MTMR3: variants seen among roughly 807,000 people sequenced by gnomAD.
MTMR3 encodes myotubularin related protein 3, also known as phosphatidylinositol-3,5-bisphosphate 3-phosphatase MTMR3.
MTMR3 carries 32 observed loss-of-function variants against 132.4 expected under a neutral mutation model. The observed-to-expected ratio is 0.24, with a 90% CI of 0.18 to 0.32. The LOEUF is 0.32. Ranked by LOEUF, MTMR3 falls within the 10% of genes least tolerant of loss-of-function variation. MTMR3 has a pLI of 1.00. For synonymous variants in MTMR3, 556 were observed against 550.3 expected (o/e 1.01, Z -0.14); for missense variants, 1,216 against 1,489.6 (o/e 0.82, Z 3.02).
intron 1 of MTMR3, among the ~76,000 whole-genome samples, chr22:29,927,939 G>GTTTTTTTTTT (rs764629136): frequency 1.1e-4 from 12 of 107,370 alleles, no homozygotes; most frequent in Admixed American, 2.3e-4. Context: ...TCTAGCCTTT[G>GTTTTTTTTTT]TTTTTTTTTT....
chr22:29,918,845 T>C (rs5763606), intron 1 of MTMR3, among the ~76,000 whole-genome samples: 4 of 152,168 alleles, frequency 2.6e-5, no homozygotes, highest in African/African-American at 9.7e-5. Flanking sequence ...GGACAAAATA[T>C]TATTTGCCTT....
chr22:29,884,351 G>T (rs949834100), intron 1 of MTMR3, among the ~76,000 whole-genome samples: 1 of 152,140 alleles, frequency 6.6e-6, no homozygotes, highest in Non-Finnish European at 1.5e-5. Flanking sequence ...GCCATAAGAG[G>T]CCTGGGTTGA....
chr22:29,936,635 C>T (rs1241044038), intron 1 of MTMR3, among the ~76,000 whole-genome samples: 2 of 152,130 alleles, frequency 1.3e-5, no homozygotes, highest in Admixed American at 6.5e-5. Context: ...AAGTGTTCAA[C>T]TTTAGAATGA....
At chr22:30,022,192 C>A in intron 18 of MTMR3, 53 bp downstream of exon 18, 2 of 1,418,108 alleles carry the variant, frequency 1.4e-6, no homozygotes, top group Non-Finnish European at 2.0e-6. Context: ...TTTTGTGGTT[C>A]TTCTCCACCC....
intron 1 of MTMR3, among the ~76,000 whole-genome samples, chr22:29,905,411 AAAATT>A: frequency 6.6e-6 from 1 of 152,178 alleles, no homozygotes; most frequent in Non-Finnish European, 1.5e-5. Flanking sequence ...CCCTCTCCTT[AAAATT>A]TCATAGTTGA....
intron 1 of MTMR3, among the ~76,000 whole-genome samples, chr22:29,938,126 T>G (rs2065785973): frequency 6.6e-6 from 1 of 152,172 alleles, no homozygotes; most frequent in Non-Finnish European, 1.5e-5. Flanking sequence ...ATTAACATAC[T>G]AAATCACATA....
At chr22:29,973,895 G>A (rs1031755540) in intron 3 of MTMR3, among the ~76,000 whole-genome samples, 14 of 151,778 alleles carry the variant, frequency 9.2e-5, no homozygotes, top group African/African-American at 3.4e-4. Context: ...CACCGCACCC[G>A]GCCCTTCCCA....
chr22:29,993,960 A>C (rs2067012268), intron 7 of MTMR3: 1 of 254,508 alleles, frequency 3.9e-6, no homozygotes, highest in Admixed American at 6.5e-5. Flanking sequence ...ATTTAGTTGA[A>C]AAAAAGAACA....
intron 19 of MTMR3, chr22:30,024,408 A>T (rs2067852759): frequency 6.6e-6 from 1 of 151,944 alleles, no homozygotes. Flanking sequence ...TTTTCTGTGT[A>T]ACTACAGGTT....
chr22:29,937,466 AG>A (rs1223959068), intron 1 of MTMR3, among the ~76,000 whole-genome samples: 1 of 151,550 alleles, frequency 6.6e-6, no homozygotes, highest in African/African-American at 2.4e-5. Flanking sequence ...CCCAGGATGA[AG>A]TGCAAGCAGC....
At position 30,017,921 on chromosome 22, in the gene MTMR3, C is replaced by T. The variant is rs764231112; in HGVS notation, c.1675-6C>T. ...TATTTAAACCTGTGTCCTCCCCCCTCCTCAGGTGCTGTACCCTGTGTGCCA... is the reference window on the plus strand; with the variant it reads ...TATTTAAACCTGTGTCCTCCCCCCTTCTCAGGTGCTGTACCCTGTGTGCCA... On this transcript the variant is annotated splice_polypyrimidine_tract_variant and splice_region_variant and intron_variant, in intron 15 of 19. Transcript: ENST00000401950. 2.5e-6 allele frequency: 4 copies of T among 1,612,784 alleles called. No homozygotes were observed. Among genetic ancestry groups the T allele is most frequent in the African/African-American group, 1.3e-5 (1 of 74,976 alleles).
intron 3 of MTMR3, 139 bp downstream of exon 3, chr22:29,971,201 G>C: frequency 2.3e-6 from 2 of 867,794 alleles, no homozygotes; most frequent in Non-Finnish European, 3.4e-6. Context: ...GATCTCTTGT[G>C]TCTTTTCTTT....
At chr22:29,923,893 G>A (rs2065467166) in intron 1 of MTMR3, among the ~76,000 whole-genome samples, 1 of 152,168 alleles carries the variant, frequency 6.6e-6, no homozygotes, top group Non-Finnish European at 1.5e-5. Flanking sequence ...GCCTACTTGT[G>A]AATTGGATTG....
chr22:29,989,674 T>C (rs774827469), intron 6 of MTMR3: 2 of 152,256 alleles, frequency 1.3e-5, no homozygotes, highest in African/African-American at 2.4e-5. Context: ...TCAACTGGAA[T>C]ACTGTATATA....
chr22:29,952,376 T>C (rs2066099952), intron 1 of MTMR3, among the ~76,000 whole-genome samples: 1 of 151,432 alleles, frequency 6.6e-6, no homozygotes, highest in South Asian at 2.1e-4. Context: ...TCCAAAGAGA[T>C]AGAAAAGACA....
intron 2 of MTMR3, among the ~76,000 whole-genome samples, chr22:29,964,891 C>G (rs1009661543): frequency 1.3e-5 from 2 of 152,148 alleles, no homozygotes; most frequent in Non-Finnish European, 2.9e-5. Context: ...TTACATTTCT[C>G]CAACTTCAAG....
rs184393596 is a variant in MTMR3, at chr22:29,942,589, C to T, written c.-137-14447C>T. On this transcript the variant is annotated intron_variant, in intron 1 of 19. Coordinates refer to ENST00000401950, the MANE Select transcript of MTMR3 (RefSeq NM_021090.4). Reference sequence around the variant, plus strand: ...TAGGGCTTATTTCATCCCTCCGCTACGACCGTAAAAGATAGCCGTCCCCAA... The same window carrying T: ...TAGGGCTTATTTCATCCCTCCGCTATGACCGTAAAAGATAGCCGTCCCCAA... 5.0e-3 allele frequency among the ~76,000 whole-genome samples: 763 copies of T among 152,074 alleles called. 27 individuals are homozygous for T. The highest frequency in any genetic ancestry group is 0.046 in the Admixed American group (709 of 15,278).
At chr22:29,965,959 T>C (rs1437750471) in intron 2 of MTMR3, among the ~76,000 whole-genome samples, 2 of 78,302 alleles carry the variant, frequency 2.6e-5, no homozygotes, top group African/African-American at 6.4e-5. Flanking sequence ...CTTTGACTCT[T>C]TAAATTAATT....
At position 29,967,236 on chromosome 22, in the gene MTMR3, TGCGC is replaced by T. The variant is rs140226487; in HGVS notation, c.-84-3729_-84-3726del. Among the ~76,000 whole-genome samples the T allele has an allele frequency of 5.9e-3, 831 of 139,698 alleles. 3 individuals carry two copies. The highest frequency in any genetic ancestry group is 0.019 in the African/African-American group (711 of 37,652). 91.6% of individuals were successfully genotyped at this position (139,698 alleles called of 152,430 possible). On this transcript the variant is annotated intron_variant, in intron 2 of 19. Coordinates refer to ENST00000401950, the MANE Select transcript of MTMR3 (RefSeq NM_021090.4). ...GTGTGTGTGTGTGTGTGTGTGTGCATGCGCGCGCGCGCGCATGTTTTTTAGAGAC... is the reference window on the plus strand; with the variant it reads ...GTGTGTGTGTGTGTGTGTGTGTGCATGCGCGCGCGCATGTTTTTTAGAGAC...
Sources: allele counts gnomAD v4.1 joint callset (sites outside exome capture counted in the v4.1 genomes callset), GRCh38; gene constraint gnomAD v4.1.1; transcripts MANE v1.5; gene names NCBI Gene and HGNC (gene_info 2026-07-23, HGNC 2026-07-21).